ITPR1: variants seen among roughly 807,000 people sequenced by gnomAD.
ITPR1 encodes the protein inositol 1,4,5-trisphosphate receptor type 1, also known as inositol 1,4,5-trisphosphate-gated calcium channel ITPR1.
In ITPR1, 96 loss-of-function variants were observed where a neutral mutation model predicts 318.4. That is an observed-to-expected ratio of 0.30 (90% CI 0.26 to 0.36). The LOEUF (loss-of-function observed/expected upper bound fraction) is 0.36, where lower values mean the gene tolerates loss of function less well. Ranked by LOEUF, ITPR1 falls within the 10% of genes least tolerant of loss-of-function variation. The pLI is 1.00. For missense variants in ITPR1, 2,440 were observed against 3,460.2 expected (o/e 0.71, Z 7.40); for synonymous variants, 1,312 against 1,289.9 (o/e 1.02, Z -0.37).
rs191028530 is a variant in ITPR1 at position 4,667,436 on chromosome 3, T to G, written c.1773T>G (p.Ala591=). Reference sequence around the variant, plus strand: ...AGCAGATTGGCTATGATGTGTTGGCTGAAGACACTATCACTGCCCTGCTCC... The same window carrying G: ...AGCAGATTGGCTATGATGTGTTGGCGGAAGACACTATCACTGCCCTGCTCC... The part of the protein sequence containing the change: ...MQKQIGYDVL[A]EDTITALLHN... Residue 591 remains alanine (A), a synonymous_variant, in exon 18 of 62, where the codon GCT becomes GCG. Transcript: ENST00000649015. The G allele has an allele frequency of 5.0e-6, 8 of 1,613,520 alleles. No individual in the cohort carries two copies. In the Admixed American group the frequency reaches 5.0e-5, roughly 10 times the overall value.
intron 10 of ITPR1, among the ~76,000 whole-genome samples, chr3:4,648,027 C>T (rs889630109): frequency 6.6e-6 from 1 of 152,154 alleles, no homozygotes; most frequent in African/African-American, 2.4e-5. Context: ...TGGCACATGC[C>T]TGTAATCCCA....
intron 8 of ITPR1, 25 bp downstream of exon 8, chr3:4,644,259 G>A (rs1453918104): frequency 2.6e-6 from 4 of 1,515,210 alleles, no homozygotes; most frequent in Non-Finnish European, 3.6e-6. Context: ...TTATGTGTGT[G>A]GGTGTGGTTA....
In ITPR1 at chr3:4,652,224, T is replaced by TAGC. The variant is rs779400434; in HGVS notation, c.951+10_951+12dup. On this transcript the variant is annotated splice_region_variant and intron_variant, in intron 11 of 61. Transcript: ENST00000649015. ...GGCATTACTTGGCAGCAGAGGTAAG[T>TAGC]AGCAGCTCCTGTGGTTTTCTCTTTC... The TAGC allele has an allele frequency of 1.2e-6, 2 of 1,602,322 alleles. No individual in the cohort carries two copies. The highest frequency in any genetic ancestry group is 1.7e-6 in the Non-Finnish European group (2 of 1,172,368).
chr3:4,649,138 A>G (rs2093534777), intron 10 of ITPR1, among the ~76,000 whole-genome samples: 1 of 152,220 alleles, frequency 6.6e-6, no homozygotes, highest in South Asian at 2.1e-4. Context: ...TTAAAGTAAT[A>G]ATGCAAACTA....
intron 54 of ITPR1, among the ~76,000 whole-genome samples, chr3:4,801,355 A>G (rs1026927163): frequency 1.3e-5 from 2 of 152,230 alleles, no homozygotes; most frequent in African/African-American, 4.8e-5. Flanking sequence ...TCAGTGCAAC[A>G]GCAAAAGCCC....
intron 4 of ITPR1, among the ~76,000 whole-genome samples, chr3:4,566,056 G>A (rs2087217781): frequency 6.6e-6 from 1 of 152,176 alleles, no homozygotes; most frequent in Admixed American, 6.5e-5. Context: ...CCAAATCCCT[G>A]TACAACGAAC....
Position 4,693,627 on chromosome 3 carries a change from G to A in ITPR1, c.4167G>A (p.Glu1389=). 5.6e-6 allele frequency: 9 copies of A among 1,614,052 alleles called. No homozygotes were observed. The highest frequency in any genetic ancestry group is 7.6e-6 in the Non-Finnish European group (9 of 1,179,902). Residue 1389 remains glutamate (E), a synonymous_variant, in exon 33 of 62, where the codon GAG becomes GAA. Coordinates refer to ENST00000649015, the MANE Select transcript of ITPR1 (RefSeq NM_001378452.1). Reference sequence around the variant, plus strand: ...TCATGTACCACATCCACTTGGTCGAGCTCCTGGCTGTGTGCACGGAGGGTA... The same window carrying A: ...TCATGTACCACATCCACTTGGTCGAACTCCTGGCTGTGTGCACGGAGGGTA... ...SPLMYHIHLV[E]LLAVCTEGKN...
intron 53 of ITPR1, among the ~76,000 whole-genome samples, chr3:4,799,282 G>A (rs924891420): frequency 2.6e-5 from 4 of 152,202 alleles, no homozygotes; most frequent in Non-Finnish European, 5.9e-5. Context: ...CGTAGAAAGC[G>A]GCACATGTGC....
chr3:4,844,380 T>A (rs759338682), intron 61 of ITPR1, among the ~76,000 whole-genome samples: 4 of 152,132 alleles, frequency 2.6e-5, no homozygotes, highest in Non-Finnish European at 5.9e-5. Flanking sequence ...CACCTCAGCC[T>A]CCCCAAGTGG....
chr3:4,600,484 T>TTTTG (rs1553640419), intron 4 of ITPR1, among the ~76,000 whole-genome samples: 2 of 150,490 alleles, frequency 1.3e-5, no homozygotes, highest in African/African-American at 4.9e-5. Flanking sequence ...CCTTCCTGTT[T>TTTTG]TGTGTGTGTG....
chr3:4,743,938 A>G (rs1411556568), intron 44 of ITPR1, among the ~76,000 whole-genome samples: 1 of 152,104 alleles, frequency 6.6e-6, no homozygotes, highest in African/African-American at 2.4e-5. Context: ...GGGTTCAAGC[A>G]ATTCTCCTGT....
intron 5 of ITPR1, among the ~76,000 whole-genome samples, chr3:4,636,741 CT>C (rs1305279214): frequency 1.3e-5 from 2 of 152,220 alleles, no homozygotes; most frequent in Non-Finnish European, 2.9e-5. Flanking sequence ...GAGTATCTTT[CT>C]TTTAAGAGAA....
chr3:4,578,572 T>C (rs189369539), intron 4 of ITPR1, among the ~76,000 whole-genome samples: 49 of 152,274 alleles, frequency 3.2e-4, no homozygotes, highest in Admixed American at 3.0e-3. Context: ...GAAGGGGCTT[T>C]AGTGCTTAGC....
chr3:4,587,518 G>T (rs2125062132), intron 4 of ITPR1, among the ~76,000 whole-genome samples: 1 of 152,284 alleles, frequency 6.6e-6, no homozygotes, highest in Non-Finnish European at 1.5e-5. Flanking sequence ...TGATCTGTCT[G>T]CCTTGGCCTC....
chr3:4,688,449 C>T lies in ITPR1; in HGVS notation c.3703-46C>T. 1.9e-6 allele frequency: 3 copies of T among 1,608,518 alleles called. No homozygotes were observed. The East Asian group carries it at 6.7e-5, about 36-fold the overall frequency. ...GGTGTTGGGTATAGGAGAAGCTGGT[C>T]TCCTGGCCCAGCAATCAGTGCTTTC... is the stretch of plus-strand genomic sequence containing the variant. On this transcript the variant is annotated intron_variant, in intron 30 of 61. Transcript: ENST00000649015.
chr3:4,782,510 G>A (rs938113393), intron 49 of ITPR1, 109 bp from the exon 50 acceptor site: 1 of 1,192,062 alleles, frequency 8.4e-7, no homozygotes, highest in Non-Finnish European at 1.2e-6. Flanking sequence ...AGAGAGTGCG[G>A]AACAGCCTTT....
intron 12 of ITPR1, among the ~76,000 whole-genome samples, chr3:4,655,710 T>C (rs1452971202): frequency 1.3e-5 from 2 of 152,080 alleles, no homozygotes; most frequent in Non-Finnish European, 2.9e-5. Flanking sequence ...CTTTTGACGT[T>C]TTCGTGCTTT....
At chr3:4,752,198 A>C (rs1392413831) in intron 44 of ITPR1, among the ~76,000 whole-genome samples, 8 of 152,098 alleles carry the variant, frequency 5.3e-5, no homozygotes, top group Non-Finnish European at 1.2e-4. Context: ...CCCTCACCAT[A>C]TGGTATTTGA....
chr3:4,741,432 C>G (rs1014631861), intron 44 of ITPR1, among the ~76,000 whole-genome samples: 1 of 152,168 alleles, frequency 6.6e-6, no homozygotes. Context: ...GTTTTCTTTT[C>G]TGCACGTAAG....
Sources: allele counts gnomAD v4.1 joint callset (sites outside exome capture counted in the v4.1 genomes callset), GRCh38; gene constraint gnomAD v4.1.1; transcripts MANE v1.5; gene names NCBI Gene and HGNC (gene_info 2026-07-23, HGNC 2026-07-21).